Variants in SGPP1 observed in about 807,000 individuals in gnomAD.
The protein encoded by SGPP1 is sphingosine-1-phosphate phosphatase 1.
A neutral mutation model predicts 33.0 loss-of-function variants in SGPP1; 21 were observed. That is an observed-to-expected ratio of 0.64 (90% confidence interval 0.45 to 0.92). SGPP1 has a LOEUF of 0.92. SGPP1 is among the 40% of genes least tolerant of loss of function. The probability of loss-of-function intolerance (pLI) is 0.00; values close to 1 mark genes in which losing one functional copy is unlikely to be tolerated. For missense variants in SGPP1, 543 were observed against 589.4 expected, an observed-to-expected ratio of 0.92 and a Z score of 0.81; for synonymous variants, 239 against 241.2, an observed-to-expected ratio of 0.99 and a Z score of 0.08.
At chr14:63,701,918 C>CAAAAAA (rs549492142) in intron 1 of SGPP1, among the ~76,000 whole-genome samples, 2 of 54,088 alleles carry the variant, frequency 3.7e-5, no homozygotes, top group African/African-American at 4.9e-5. Context: ...CTGTTGACAG[C>CAAAAAA]AAAAAAAAAA....
chr14:63,722,920 CG>C (rs1885803627), intron 1 of SGPP1, among the ~76,000 whole-genome samples: 1 of 146,680 alleles, frequency 6.8e-6, no homozygotes, highest in African/African-American at 2.5e-5. Flanking sequence ...TGCAGTGAGC[CG>C]GAATCGTGCC....
In SGPP1 at chr14:63,728,026, AC is replaced by A; in HGVS notation, c.-83del. ...CGCGCTCCTGGCCAGCGGCAGCGGA[AC>A]CGGCACAGCGCTCTACCCTCCGGAG... On this transcript the variant is annotated 5_prime_UTR_variant, in exon 1 of 3. Transcript: ENST00000247225. The A allele has an allele frequency of 7.1e-7, 1 of 1,401,628 alleles. No homozygotes were observed. Among genetic ancestry groups the A allele is most frequent in the Non-Finnish European group, 9.3e-7 (1 of 1,076,582 alleles). The allele number at this position is 1,401,628 out of a possible 1,614,324, so 86.8% of individuals were successfully genotyped here. A position where few individuals can be genotyped will look rare whatever the true frequency, so the allele number is the denominator to read the frequency against.
chr14:63,722,989 A>T (rs1885805709), intron 1 of SGPP1, among the ~76,000 whole-genome samples: 1 of 151,688 alleles, frequency 6.6e-6, no homozygotes, highest in African/African-American at 2.4e-5. Context: ...AAAAAAAAAA[A>T]TTAATCTAAA....
chr14:63,709,049 T>G (rs1885472522), intron 1 of SGPP1, among the ~76,000 whole-genome samples: 1 of 152,206 alleles, frequency 6.6e-6, no homozygotes, highest in African/African-American at 2.4e-5. Flanking sequence ...AAATAAAAAT[T>G]TCATCTAATT....
In SGPP1 at chr14:63,687,210, G is replaced by A. The variant is rs139952749; in HGVS notation, c.775-554C>T. On this transcript the variant is annotated intron_variant, in intron 2 of 2. Coordinates refer to ENST00000247225, the MANE Select transcript of SGPP1 (RefSeq NM_030791.4). ...AATCCCATCCCTTTGGGAGGCTGAG[G>A]TGGGTGGTTCACTTGAGGCCAGGAG... Among the ~76,000 whole-genome samples, 27 of 152,270 alleles carry A rather than the reference G, an allele frequency of 1.8e-4. 1 individual carries two copies. The East Asian group carries it at 4.8e-3, about 27-fold the overall frequency.
chr14:63,723,904 G>T (rs1285887250), intron 1 of SGPP1, among the ~76,000 whole-genome samples: 2 of 151,834 alleles, frequency 1.3e-5, no homozygotes, highest in East Asian at 1.9e-4. Flanking sequence ...TTGAGATAGG[G>T]TCTTGCCCTG....
intron 1 of SGPP1, among the ~76,000 whole-genome samples, chr14:63,724,043 G>A (rs1039207004): frequency 6.6e-6 from 1 of 151,798 alleles, no homozygotes; most frequent in African/African-American, 2.4e-5. Context: ...ATGCCCAGCT[G>A]ATTTTTGATT....
chr14:63,717,245 A>T lies in SGPP1; in HGVS notation c.684+10016T>A, dbSNP rs1482384582. On this transcript the variant is annotated intron_variant, in intron 1 of 2. Coordinates refer to ENST00000247225, the MANE Select transcript of SGPP1 (RefSeq NM_030791.4). ...GAAGCAGGGAAAGCAAAAATGCTTA[A>T]AAAAAAAAAAAAGAATAGAGCTTCA... Among the ~76,000 whole-genome samples, 5 of 147,876 alleles carry T rather than the reference A, an allele frequency of 3.4e-5. No homozygotes were observed. The East Asian group carries it at 9.8e-4, about 29-fold the overall frequency.
chr14:63,695,867 C>T (rs538678880), intron 2 of SGPP1, among the ~76,000 whole-genome samples: 32 of 152,300 alleles, frequency 2.1e-4, no homozygotes, highest in African/African-American at 7.7e-4. Flanking sequence ...GCTATGTTTG[C>T]ACCATCACAC....
At position 63,723,121 on chromosome 14, in the gene SGPP1, T is replaced by C. The variant is rs536758215; in HGVS notation, c.684+4140A>G. On this transcript the variant is annotated intron_variant, in intron 1 of 2. Coordinates refer to ENST00000247225, the MANE Select transcript of SGPP1 (RefSeq NM_030791.4). ...AGAAATTTTATTTTTGAAAAGAACA[T>C]GCAAACATAAATGGAAAAGGAACGT... Among the ~76,000 whole-genome samples the C allele has an allele frequency of 3.3e-5, 5 of 152,254 alleles. No homozygotes were observed. In the East Asian group the frequency reaches 9.6e-4, roughly 29 times the overall value.
intron 1 of SGPP1, 48 bp downstream of exon 1, chr14:63,727,213 G>A: frequency 6.6e-7 from 1 of 1,525,452 alleles, no homozygotes; most frequent in Non-Finnish European, 8.8e-7. Context: ...AGAGAACTCC[G>A]AGTTCTTTGA....
intron 1 of SGPP1, among the ~76,000 whole-genome samples, chr14:63,709,268 G>C (rs1446578724): frequency 6.6e-6 from 1 of 151,878 alleles, no homozygotes; most frequent in Non-Finnish European, 1.5e-5. Flanking sequence ...CAGCTACTCG[G>C]GAGGCTGAGG....
intron 1 of SGPP1, among the ~76,000 whole-genome samples, chr14:63,719,187 C>A (rs1173143687): frequency 6.7e-6 from 1 of 150,196 alleles, no homozygotes; most frequent in Non-Finnish European, 1.5e-5. Flanking sequence ...TCACCACACC[C>A]GGCTAATTTT....
chr14:63,711,106 C>T (rs547121573), intron 1 of SGPP1, among the ~76,000 whole-genome samples: 4 of 151,594 alleles, frequency 2.6e-5, no homozygotes, highest in Non-Finnish European at 4.4e-5. Flanking sequence ...CTCTGCCTCC[C>T]GGGTTCAAGC....
chr14:63,717,096 G>T (rs1179846423), intron 1 of SGPP1, among the ~76,000 whole-genome samples: 1 of 151,954 alleles, frequency 6.6e-6, no homozygotes, highest in Non-Finnish European at 1.5e-5. Flanking sequence ...GCAATTTCTA[G>T]ATATAAACTA....
chr14:63,703,697 T>C (rs559004499), intron 1 of SGPP1, among the ~76,000 whole-genome samples: 14 of 145,956 alleles, frequency 9.6e-5, no homozygotes, highest in South Asian at 8.6e-4. Context: ...AATGAAAAGA[T>C]ATCCCATGTT....
At chr14:63,720,126 C>CAAA (rs569010417) in intron 1 of SGPP1, among the ~76,000 whole-genome samples, 2 of 96,756 alleles carry the variant, frequency 2.1e-5, no homozygotes, top group African/African-American at 3.5e-5. Flanking sequence ...CTGCATCTCA[C>CAAA]AAAAAAAAAA....
At position 63,686,059 on chromosome 14, in the gene SGPP1, T is replaced by C. The variant is rs1884965016; in HGVS notation, c.*46A>G. ...TTTACCTGGAATATATTTTTGGGTA[T>C]CAGTAACTGATACCCTCCTTTCTTA... is the stretch of plus-strand genomic sequence containing the variant. On this transcript the variant is annotated 3_prime_UTR_variant, in exon 3 of 3. Transcript: ENST00000247225. 8.3e-7 allele frequency: 1 copy of C among 1,205,688 alleles called. No individual in the cohort carries two copies. The highest frequency in any genetic ancestry group is 1.1e-6 in the Non-Finnish European group (1 of 878,730). 74.7% of individuals were successfully genotyped at this position (1,205,688 alleles called of 1,614,324 possible).
intron 1 of SGPP1, among the ~76,000 whole-genome samples, chr14:63,716,616 C>A (rs1053147481): frequency 6.6e-6 from 1 of 152,068 alleles, no homozygotes; most frequent in Non-Finnish European, 1.5e-5. Context: ...TCCCTTAAAC[C>A]CAAGAGTTCG....
Sources: gnomAD v4.1 joint callset for allele counts (sites outside exome capture counted in the v4.1 genomes callset) on GRCh38, gnomAD v4.1.1 for gene constraint, MANE v1.5 for transcripts, NCBI Gene and HGNC (gene_info 2026-07-23, HGNC 2026-07-21) for gene names.